ASMT: variants seen among roughly 807,000 people sequenced by gnomAD.
The protein encoded by ASMT is acetylserotonin O-methyltransferase.
Under a neutral mutation model 41.3 loss-of-function variants are expected in ASMT, and 53 were observed. That is an observed-to-expected ratio of 1.28 (90% CI 1.03 to 1.61). ASMT has a LOEUF of 1.61. Among genes scored for constraint, ASMT ranks in the 40% most tolerant of loss-of-function variants. The probability of loss-of-function intolerance (pLI) is 0.00; values close to 1 mark genes in which losing one functional copy is unlikely to be tolerated. For missense variants in ASMT, 531 were observed against 441.3 expected (o/e 1.20, Z -1.82); for synonymous variants, 231 against 184.8 (o/e 1.25, Z -2.03).
At chrX:1,616,200 T>A (rs374404734) in intron 1 of ASMT, among the ~76,000 whole-genome samples, 7 of 78,306 alleles carry the variant, frequency 8.9e-5, no homozygotes, top group East Asian at 8.2e-4. Context: ...GGCTAATTTT[T>A]GTATTTTTAG....
At chrX:1,633,027 C>A in intron 6 of ASMT, 123 bp from the exon 7 acceptor site, 2 of 1,103,048 alleles carry the variant, frequency 1.8e-6, no homozygotes, top group Non-Finnish European at 2.8e-6. Context: ...AAAAAAAAGA[C>A]CAGACATGGC....
At chrX:1,632,990 C>T (rs1484154929) in intron 6 of ASMT, 160 bp from the exon 7 acceptor site, 1 of 225,604 alleles carries the variant, frequency 4.4e-6, no homozygotes, top group East Asian at 1.9e-4. Flanking sequence ...TGCACATGTA[C>T]CCTAGAACTT....
intron 5 of ASMT, among the ~76,000 whole-genome samples, chrX:1,630,673 C>T (rs1323153112): frequency 3.3e-5 from 5 of 151,956 alleles, no homozygotes; most frequent in African/African-American, 4.8e-5. Flanking sequence ...CCTCCCACCT[C>T]AGCCTCCCAA....
chrX:1,628,539 G>A (rs1187263932), intron 4 of ASMT, among the ~76,000 whole-genome samples: 1 of 152,016 alleles, frequency 6.6e-6, no homozygotes, highest in Admixed American at 6.6e-5. Flanking sequence ...AGGGTATGAA[G>A]GACAAGGGGA....
Position 1,615,265 on chromosome X carries a change from C to A in ASMT, c.66C>A (p.Ser22=). 1 of 1,591,626 alleles carries A rather than the reference C, an allele frequency of 6.3e-7. No homozygotes were observed. The highest frequency in any genetic ancestry group is 1.1e-5 in the South Asian group (1 of 87,364). ...LNDYANGFMV[S]QVLFAACELG... Reference sequence around the variant, plus strand: ...ACTACGCCAACGGCTTCATGGTGTCCCAGGTAGGATACGCTCTGTGGGACA... The same window carrying A: ...ACTACGCCAACGGCTTCATGGTGTCACAGGTAGGATACGCTCTGTGGGACA... The change falls in exon 1 of 9, where the codon TCC becomes TCA. Residue 22 remains serine (S), a synonymous_variant. Transcript: ENST00000381241.
intron 7 of ASMT, among the ~76,000 whole-genome samples, chrX:1,635,269 C>A (rs1368876739): frequency 1.3e-5 from 2 of 151,810 alleles, no homozygotes; most frequent in African/African-American, 2.4e-5. Context: ...CAGGCGTGAG[C>A]CACCGCGCCT....
intron 7 of ASMT, among the ~76,000 whole-genome samples, chrX:1,634,268 G>T (rs1454823165): frequency 6.6e-6 from 1 of 152,210 alleles, no homozygotes; most frequent in Non-Finnish European, 1.5e-5. Flanking sequence ...GAAACCACAT[G>T]TGAGCTTCTT....
At chrX:1,631,713 G>A (rs1346744636) in intron 5 of ASMT, among the ~76,000 whole-genome samples, 2 of 151,776 alleles carry the variant, frequency 1.3e-5, no homozygotes, top group African/African-American at 4.8e-5. Context: ...TCAGGAGTTC[G>A]AGATCAGCCT....
Position 1,636,533 on chromosome X carries a change from GA to G in ASMT, c.884del (p.Glu295GlyfsTer15). 6.2e-7 allele frequency: 1 copy of G among 1,613,746 alleles called. No individual in the cohort carries two copies. The highest frequency in any genetic ancestry group is 8.5e-7 in the Non-Finnish European group (1 of 1,179,848). On this transcript the variant is annotated frameshift_variant, in exon 8 of 9. Coordinates refer to ENST00000381241, the MANE Select transcript of ASMT (RefSeq NM_001171038.2). LOFTEE classifies it high-confidence loss of function. ...WADGKCSHLL[E>X]RIYHTCKPGG... ...AGACGGAAAGTGCTCACACCTGCTGGAGAGGATCTACCACACTTGCAAGCCA... is the reference window on the plus strand; with the variant it reads ...AGACGGAAAGTGCTCACACCTGCTGGGAGGATCTACCACACTTGCAAGCCA...
rs761503046 is a variant in ASMT, at chrX:1,615,280, T to G, written c.69+12T>G. 3 of 1,585,144 alleles carry G rather than the reference T, an allele frequency of 1.9e-6. No individual in the cohort carries two copies. Among genetic ancestry groups the G allele is most frequent in the South Asian group, 2.3e-5 (2 of 86,762 alleles). On this transcript the variant is annotated intron_variant, in intron 1 of 8. Transcript: ENST00000381241. ...TCATGGTGTCCCAGGTAGGATACGC[T>G]CTGTGGGACAAGGGGGAATAGACTT...
intron 7 of ASMT, among the ~76,000 whole-genome samples, chrX:1,633,960 A>T (rs1442881182): frequency 1.3e-5 from 2 of 151,860 alleles, no homozygotes; most frequent in Admixed American, 1.3e-4. Flanking sequence ...TTTAGTAGAG[A>T]TGGGGTTTCA....
chrX:1,635,265 T>G, intron 7 of ASMT, among the ~76,000 whole-genome samples: 1 of 151,814 alleles, frequency 6.6e-6, no homozygotes, highest in South Asian at 2.1e-4. Context: ...ATTACAGGCG[T>G]GAGCCACCGC....
At chrX:1,616,219 G>A (rs1333982659) in intron 1 of ASMT, among the ~76,000 whole-genome samples, 3 of 151,502 alleles carry the variant, frequency 2.0e-5, no homozygotes, top group Non-Finnish European at 3.0e-5. Context: ...AGTAGAGATG[G>A]GGTTTCACCA....
At chrX:1,618,281 A>C (rs1363610669) in intron 1 of ASMT, among the ~76,000 whole-genome samples, 4 of 152,126 alleles carry the variant, frequency 2.6e-5, no homozygotes, top group Admixed American at 6.6e-5. Context: ...CCCCTGCCTT[A>C]GCCTCCTGAG....
intron 7 of ASMT, among the ~76,000 whole-genome samples, chrX:1,633,669 T>C (rs1934858521): frequency 7.0e-6 from 1 of 143,852 alleles, no homozygotes; most frequent in Non-Finnish European, 1.5e-5. Context: ...AGATGGAGTC[T>C]CACTCTCTTG....
At chrX:1,640,547 A>T (rs1335808565) in intron 8 of ASMT, among the ~76,000 whole-genome samples, 1 of 54,892 alleles carries the variant, frequency 1.8e-5, no homozygotes, top group African/African-American at 1.2e-4. Context: ...TGATGGGGAC[A>T]GTGTCCCAGT....
At chrX:1,615,731 G>A in intron 1 of ASMT, among the ~76,000 whole-genome samples, 1 of 151,870 alleles carries the variant, frequency 6.6e-6, no homozygotes, top group East Asian at 2.0e-4. Context: ...GAACCTGGGA[G>A]GCGGAGGTTG....
chrX:1,625,596 G>A (rs1386157455), intron 3 of ASMT, among the ~76,000 whole-genome samples: 2 of 151,244 alleles, frequency 1.3e-5, no homozygotes, highest in South Asian at 2.1e-4. Context: ...TGGAAAGTAA[G>A]AGAAAGAAAG....
intron 3 of ASMT, among the ~76,000 whole-genome samples, chrX:1,625,875 A>T (rs1415425661): frequency 6.8e-6 from 1 of 147,586 alleles, no homozygotes; most frequent in Non-Finnish European, 1.5e-5. Context: ...AAATGGTGTG[A>T]ACCCGGGAGG....
Sources: allele counts gnomAD v4.1 joint callset (sites outside exome capture counted in the v4.1 genomes callset), GRCh38; gene constraint gnomAD v4.1.1; transcripts MANE v1.5; gene names NCBI Gene and HGNC (gene_info 2026-07-23, HGNC 2026-07-21).